Variants in PRRX1 observed in about 807,000 individuals in gnomAD.
PRRX1 encodes the protein paired mesoderm homeobox protein 1.
A neutral mutation model predicts 24.0 loss-of-function variants in PRRX1; 8 were observed. The ratio of observed to expected loss-of-function variants is 0.33; its 90% CI spans 0.20 to 0.60. The LOEUF is 0.60. Among genes scored for constraint, PRRX1 ranks in the 20% least tolerant of loss-of-function variants. PRRX1 has a pLI of 0.82. For synonymous variants in PRRX1, 160 were observed against 131.7 expected (o/e 1.22, Z -1.47); for missense variants, 281 against 322.4 (o/e 0.87, Z 0.98).
In PRRX1 at chr1:170,690,857, A is replaced by C. The variant is rs79590785; in HGVS notation, c.241+26398A>C. On this transcript the variant is annotated intron_variant, in intron 1 of 3. Coordinates refer to ENST00000239461, the MANE Select transcript of PRRX1 (RefSeq NM_022716.4). Reference sequence around the variant, plus strand: ...TTTCAGAAAATGTAAGAGACTACAGAGAGAACAGCAAGTTAGCTCGATGCA... The same window carrying C: ...TTTCAGAAAATGTAAGAGACTACAGCGAGAACAGCAAGTTAGCTCGATGCA... Among the ~76,000 whole-genome samples the C allele has an allele frequency of 7.7e-3, 1,173 of 152,254 alleles. 16 individuals carry two copies. Among genetic ancestry groups the C allele is most frequent in the African/African-American group, 0.027 (1,112 of 41,558 alleles).
chr1:170,732,287 A>C (rs1367624079), intron 3 of PRRX1, among the ~76,000 whole-genome samples: 1 of 152,214 alleles, frequency 6.6e-6, no homozygotes, highest in African/African-American at 2.4e-5. Context: ...TTCCTAAAGC[A>C]GAACGTCAGA....
intron 1 of PRRX1, among the ~76,000 whole-genome samples, chr1:170,664,883 T>A (rs1235661343): frequency 6.6e-6 from 1 of 152,102 alleles, no homozygotes; most frequent in African/African-American, 2.4e-5. Flanking sequence ...CTGAGTCGGG[T>A]TGGAAGGGCT....
chr1:170,724,373 A>G (rs1407785319), intron 2 of PRRX1, among the ~76,000 whole-genome samples: 2 of 152,298 alleles, frequency 1.3e-5, no homozygotes, highest in African/African-American at 4.8e-5. Flanking sequence ...CTATGTCCTG[A>G]ATGATATTGC....
At chr1:170,671,019 A>G (rs1296481744) in intron 1 of PRRX1, among the ~76,000 whole-genome samples, 2 of 152,156 alleles carry the variant, frequency 1.3e-5, no homozygotes, top group Admixed American at 1.3e-4. Flanking sequence ...GCTTATTTTT[A>G]CCATCATTGA....
intron 1 of PRRX1, among the ~76,000 whole-genome samples, chr1:170,694,461 G>T (rs1231998353): frequency 6.6e-6 from 1 of 152,086 alleles, no homozygotes; most frequent in African/African-American, 2.4e-5. Context: ...ATGTGTATGT[G>T]CATGCAAAAT....
intron 3 of PRRX1, among the ~76,000 whole-genome samples, chr1:170,731,374 C>CA (rs1655432052): frequency 1.3e-5 from 2 of 152,156 alleles, no homozygotes; most frequent in Non-Finnish European, 2.9e-5. Flanking sequence ...TCTCGGCTGA[C>CA]AGATTTGTCT....
intron 1 of PRRX1, among the ~76,000 whole-genome samples, chr1:170,686,179 C>CAAAA (rs397754426): frequency 0.038 from 4,029 of 105,100 alleles, 256 homozygotes; most frequent in African/African-American, 0.13. Flanking sequence ...GTTAAGGGTA[C>CAAAA]AAAAAAAAAA....
At chr1:170,706,553 C>T (rs900401296) in intron 1 of PRRX1, among the ~76,000 whole-genome samples, 8 of 152,192 alleles carry the variant, frequency 5.3e-5, no homozygotes, top group Non-Finnish European at 1.0e-4. Context: ...GATCCACTGA[C>T]GTTCCCCCGT....
At chr1:170,675,533 TCTTTATAC>T (rs1653291335) in intron 1 of PRRX1, among the ~76,000 whole-genome samples, 1 of 152,142 alleles carries the variant, frequency 6.6e-6, no homozygotes, top group Non-Finnish European at 1.5e-5. Context: ...TAAAGGTATT[TCTTTATAC>T]CTTTTAGAGG....
At chr1:170,673,578 T>C (rs901918765) in intron 1 of PRRX1, among the ~76,000 whole-genome samples, 2 of 152,168 alleles carry the variant, frequency 1.3e-5, no homozygotes, top group African/African-American at 2.4e-5. Flanking sequence ...GCTTCAAGAC[T>C]CTCCATTGGA....
At chr1:170,675,027 T>C (rs1653267971) in intron 1 of PRRX1, among the ~76,000 whole-genome samples, 1 of 152,210 alleles carries the variant, frequency 6.6e-6, no homozygotes, top group South Asian at 2.1e-4. Flanking sequence ...TGTGTTTCTC[T>C]AAAATTAAAA....
intron 1 of PRRX1, among the ~76,000 whole-genome samples, chr1:170,691,035 CA>C (rs1293615464): frequency 1.3e-5 from 2 of 152,016 alleles, no homozygotes; most frequent in African/African-American, 4.8e-5. Flanking sequence ...AGATGCTTGA[CA>C]AAATTTAGGG....
chr1:170,707,887 A>G (rs1248191859), intron 1 of PRRX1, among the ~76,000 whole-genome samples: 1 of 152,232 alleles, frequency 6.6e-6, no homozygotes, highest in African/African-American at 2.4e-5. Flanking sequence ...CTGAAAAAAG[A>G]CCCAAGGTTA....
At chr1:170,665,295 T>C (rs928553869) in intron 1 of PRRX1, among the ~76,000 whole-genome samples, 17 of 152,138 alleles carry the variant, frequency 1.1e-4, no homozygotes, top group Non-Finnish European at 2.4e-4. Context: ...AAGTCCAGTT[T>C]CCCTTCCCCA....
intron 3 of PRRX1, chr1:170,726,863 AGAAG>A (rs150356715): frequency 0.021 from 3,312 of 155,608 alleles, 115 homozygotes; most frequent in African/African-American, 0.071. Context: ...AAAAAAAGGA[AGAAG>A]GAAGGAAGGA....
In PRRX1 at chr1:170,710,166, C is replaced by A. The variant is rs140583963; in HGVS notation, c.242-9560C>A. 1.4e-4 allele frequency among the ~76,000 whole-genome samples: 22 copies of A among 152,172 alleles called. No individual in the cohort carries two copies. In the East Asian group the frequency reaches 2.7e-3, roughly 19 times the overall value. ...TTACAGCCCTTATGCAAGATAAAAT[C>A]CAGCCTAACTTTTTCTCAAAAAAGT... On this transcript the variant is annotated intron_variant, in intron 1 of 3. Coordinates refer to ENST00000239461, the MANE Select transcript of PRRX1 (RefSeq NM_022716.4).
At chr1:170,697,763 TATAA>T (rs1210600457) in intron 1 of PRRX1, among the ~76,000 whole-genome samples, 1 of 147,506 alleles carries the variant, frequency 6.8e-6, no homozygotes, top group Non-Finnish European at 1.5e-5. Flanking sequence ...TATATAGATA[TATAA>T]ATATATACAT....
rs1655384383 is a variant in PRRX1 at position 170,730,187 on chromosome 1, T to C, written c.599+3786T>C. ...TCCACAGCTTCCCTCCCCATCCTTC[T>C]CCTCCCCTCATTTGATCGTGGTCAT... On this transcript the variant is annotated intron_variant, in intron 3 of 3. Transcript: ENST00000239461. 1.0e-5 allele frequency: 11 copies of C among 1,088,440 alleles called. No individual in the cohort carries two copies. The Admixed American group carries it at 1.7e-4, about 17-fold the overall frequency. The allele number at this position is 1,088,440 out of a possible 1,614,324, so 67.4% of individuals were successfully genotyped here.
intron 1 of PRRX1, among the ~76,000 whole-genome samples, chr1:170,691,461 C>G (rs967256497): frequency 8.9e-6 from 1 of 112,542 alleles, no homozygotes; most frequent in East Asian, 2.2e-4. Flanking sequence ...CTTTCCTTTC[C>G]TTTCCTTTCC....
Sources: allele counts gnomAD v4.1 joint callset (sites outside exome capture counted in the v4.1 genomes callset), GRCh38; gene constraint gnomAD v4.1.1; transcripts MANE v1.5; gene names NCBI Gene and HGNC (gene_info 2026-07-23, HGNC 2026-07-21).